The following CCHCR1 variants were observed in gnomAD, a reference collection of about 807,000 sequenced individuals.
The protein encoded by CCHCR1 is HCR (a-helix coiled-coil rod homologue).
Under a neutral mutation model 114.6 loss-of-function variants are expected in CCHCR1, and 91 were observed. The ratio of observed to expected loss-of-function variants is 0.79; its 90% CI spans 0.67 to 0.94. The LOEUF is 0.94. Ranked by LOEUF, CCHCR1 falls within the 40% of genes least tolerant of loss-of-function variation. The probability of loss-of-function intolerance (pLI) is 0.00; values close to 1 mark genes in which losing one functional copy is unlikely to be tolerated. For synonymous variants in CCHCR1, 379 were observed against 428.5 expected (o/e 0.88, Z 1.43); for missense variants, 899 against 1,079.9 (o/e 0.83, Z 2.35).
Position 31,145,798 on chromosome 6 carries a change from A to G in CCHCR1, c.1591T>C (p.Trp531Arg). 1 of 1,610,696 alleles carries G rather than the reference A, an allele frequency of 6.2e-7. No homozygotes were observed. Among genetic ancestry groups the G allele is most frequent in the Non-Finnish European group, 8.5e-7 (1 of 1,177,876 alleles). The part of the protein sequence containing the change: ...VVNAVSSSQI[W>R]LETTMAKVEG... ...ACCTTAGCCATGGTGGTCTCGAGCC[A>G]GATCTGAGAGCTGGAGAGGGCACAA... The change falls in exon 11 of 18, where the codon TGG becomes CGG. Residue 531 changes from tryptophan (W) to arginine (R), a missense_variant. Physicochemically the swap from Trp to Arg is moderately radical, Grantham distance 101. Transcript: ENST00000396268.
intron 8 of CCHCR1, chr6:31,149,151 CAAAAAAAAAA>C (rs3064836): frequency 3.6e-4 from 44 of 120,874 alleles, no homozygotes; most frequent in Non-Finnish European, 6.8e-4. Context: ...GACTCCTTCT[CAAAAAAAAAA>C]AAAAAAAAAA....
rs1774232816 is a variant in CCHCR1 at position 31,145,698 on chromosome 6, C to T, written c.1691G>A (p.Arg564Gln). The T allele has an allele frequency of 2.5e-6, 4 of 1,612,154 alleles. No homozygotes were observed. Among genetic ancestry groups the T allele is most frequent in the East Asian group, 2.2e-5 (1 of 44,846 alleles). Residue 564 changes from arginine to glutamine, a missense_variant and splice_region_variant, in exon 11 of 18, where the codon CGG becomes CAG. By Grantham distance (43) the Arg-to-Gln change is conservative (BLOSUM62 1). Coordinates refer to ENST00000396268, the MANE Select transcript of CCHCR1 (RefSeq NM_001105564.2). ...TGGCTCGCAGTTGTCCTACGCACCC[C>T]GAATGGTGTGGACCTTGCGGACAGC... ...SYAVRKVHTI[R>Q]GLIARKLALA...
chr6:31,145,051 C>T lies in CCHCR1; in HGVS notation c.1899G>A (p.Leu633=), dbSNP rs769385738. 1.9e-6 allele frequency: 3 copies of T among 1,601,900 alleles called. No homozygotes were observed. The highest frequency in any genetic ancestry group is 2.2e-5 in the South Asian group (2 of 90,634). ...GCTCCAGCTGCTGGGCCACCTTGCT[C>T]AGCTGCTGCCGCTCTGCCTCCCCTA... ...REQGEAERQQ[L]SKVAQQLEQE... The change falls in exon 14 of 18, where the codon CTG becomes CTA. Residue 633 remains leucine (L), a synonymous_variant. Transcript: ENST00000396268.
Position 31,151,309 on chromosome 6 carries a change from A to C in CCHCR1, c.802-187T>G, listed in dbSNP as rs933441402. On this transcript the variant is annotated intron_variant, in intron 4 of 17. Coordinates refer to ENST00000396268, the MANE Select transcript of CCHCR1 (RefSeq NM_001105564.2). This position sits in a 1 kb window ranked among gnomAD's most constrained non-coding sequence, Gnocchi z 4.1. ...ACAACCCATCAGGAGTTCTTGTCCGATCTCCCCCAAAACATATCTTCACCT... is the reference window on the plus strand; with the variant it reads ...ACAACCCATCAGGAGTTCTTGTCCGCTCTCCCCCAAAACATATCTTCACCT... Among the ~76,000 whole-genome samples the C allele has an allele frequency of 6.6e-6, 1 of 152,094 alleles. No homozygotes were observed. Among genetic ancestry groups the C allele is most frequent in the Non-Finnish European group, 1.5e-5 (1 of 68,004 alleles).
chr6:31,154,836 C>T lies in CCHCR1; in HGVS notation c.498-37G>A. Reference sequence around the variant, plus strand: ...GGTTAGTGCAGGTGAGACTTGTCTCCAGTGCTGGAAGGATAGTTGAGGGCA... The same window carrying T: ...GGTTAGTGCAGGTGAGACTTGTCTCTAGTGCTGGAAGGATAGTTGAGGGCA... On this transcript the variant is annotated intron_variant, in intron 3 of 17. Transcript: ENST00000396268. This position sits in a 1 kb window ranked among gnomAD's most constrained non-coding sequence, Gnocchi z 4.1. The T allele has an allele frequency of 6.4e-7, 1 of 1,553,624 alleles. No individual in the cohort carries two copies. Among genetic ancestry groups the T allele is most frequent in the African/African-American group, 1.4e-5 (1 of 73,982 alleles).
At position 31,150,266 on chromosome 6, in the gene CCHCR1, A is replaced by G; in HGVS notation, c.1213-51T>C. ...GTGTGGGCTCCTGGGGGAGGAGAGG[A>G]AGGAGGTGGCATCTTTGTTTCTCCT... On this transcript the variant is annotated intron_variant, in intron 7 of 17. Transcript: ENST00000396268. The surrounding 1 kb of genome is among the most constrained non-coding windows in gnomAD (Gnocchi z 5.3). 6.3e-7 allele frequency: 1 copy of G among 1,589,588 alleles called. No homozygotes were observed. The highest frequency in any genetic ancestry group is 8.6e-7 in the Non-Finnish European group (1 of 1,160,578).
rs539737656 is a variant in CCHCR1 at position 31,144,694 on chromosome 6, G to A, written c.2160C>T (p.Ala720=). Residue 720 remains alanine, a synonymous_variant, in exon 15 of 18, where the codon GCC becomes GCT. Coordinates refer to ENST00000396268, the MANE Select transcript of CCHCR1 (RefSeq NM_001105564.2). This position sits in a 1 kb window ranked among gnomAD's most constrained non-coding sequence, Gnocchi z 4.6. ...RRLNEARREH[A]KAVVSLRQIQ... ...CACCCTGGCAAGGCTCACCGGCCTTGGCATGCTCCCTCCGAGCCTCGTTCA... is the reference window on the plus strand; with the variant it reads ...CACCCTGGCAAGGCTCACCGGCCTTAGCATGCTCCCTCCGAGCCTCGTTCA... 3.2e-5 allele frequency: 52 copies of A among 1,607,744 alleles called. No individual in the cohort carries two copies. In the South Asian group the frequency reaches 5.4e-4, roughly 17 times the overall value.
rs1208038540 is a variant in CCHCR1 at position 31,157,634 on chromosome 6, C to T, written c.-34G>A. ...AGACCCTCCCCAAGACCTTGGGAAT[C>T]CAGGCCGCCTAGATCCCCAGGCAGA... On this transcript the variant is annotated 5_prime_UTR_variant, in exon 1 of 18. Transcript: ENST00000396268. 3 of 1,551,832 alleles carry T rather than the reference C, an allele frequency of 1.9e-6. No homozygotes were observed. The highest frequency in any genetic ancestry group is 2.6e-6 in the Non-Finnish European group (3 of 1,138,500).
At chr6:31,152,281 C>CAAAAA (rs9281230) in intron 4 of CCHCR1, among the ~76,000 whole-genome samples, 2 of 124,090 alleles carry the variant, frequency 1.6e-5, no homozygotes, top group African/African-American at 3.0e-5. Flanking sequence ...GACTCCATCT[C>CAAAAA]AAAAAAAAAA....
In CCHCR1 at chr6:31,151,515, G is replaced by A. The variant is rs62398819; in HGVS notation, c.802-393C>T. On this transcript the variant is annotated intron_variant, in intron 4 of 17. Transcript: ENST00000396268. This position sits in a 1 kb window ranked among gnomAD's most constrained non-coding sequence, Gnocchi z 4.1. ...TCTGCCTACCTCCTGAGCTCACCCT[G>A]GAGGCTCTCCCACTGCTCCCCGCTC... 0.012 allele frequency among the ~76,000 whole-genome samples: 1,763 copies of A among 152,274 alleles called. 10 individuals carry two copies. Among genetic ancestry groups the A allele is most frequent in the African/African-American group, 0.023 (945 of 41,560 alleles).
rs568808295 is a variant in CCHCR1, at chr6:31,146,266, A to C, written c.1581-458T>G. Among the ~76,000 whole-genome samples the C allele has an allele frequency of 1.2e-4, 18 of 152,224 alleles. No homozygotes were observed. The South Asian group carries it at 3.5e-3, about 30-fold the overall frequency. On this transcript the variant is annotated intron_variant, in intron 10 of 17. Transcript: ENST00000396268. ...AAGCTGAGGCACGAGAATCACTTGA[A>C]CCTAGGAGGTGGAGGTTCCAGTGAG... is the stretch of plus-strand genomic sequence containing the variant.
intron 11 of CCHCR1, 90 bp from the exon 12 acceptor site, chr6:31,145,583 T>C: frequency 6.8e-7 from 1 of 1,463,056 alleles, no homozygotes; most frequent in Non-Finnish European, 9.6e-7. Context: ...ATGCAAGGAC[T>C]GGTGAAAGGA....
chr6:31,157,883 A>G (rs1776324460), upstream of CCHCR1: 8 of 494,446 alleles, frequency 1.6e-5, no homozygotes, highest in Non-Finnish European at 2.8e-5. Context: ...AACCTAATCT[A>G]CCTTTTTCTG....
intron 3 of CCHCR1, 183 bp downstream of exon 3, chr6:31,156,548 T>C (rs1347410456): frequency 5.2e-6 from 3 of 572,154 alleles, no homozygotes; most frequent in Non-Finnish European, 9.1e-6. Context: ...TTATTCACTA[T>C]TGTTATCCTC....
rs1447476904 is a variant in CCHCR1, at chr6:31,143,005, C to T, written c.2449G>A (p.Ala817Thr). The change falls in exon 17 of 18, where the codon GCA becomes ACA. Residue 817 changes from alanine to threonine, a missense_variant. Physicochemically the swap from Ala to Thr is moderately conservative, Grantham distance 58. Transcript: ENST00000396268. This position sits in a 1 kb window ranked among gnomAD's most constrained non-coding sequence, Gnocchi z 5.3. ...GTGGGCACTGCTGCTGCTACAGGTG[C>T]AGATGCTGAACACTCTGGAGGCCTG... ...SPRPPECSAS[A>T]PVAAAVPTRE... is the part of the protein sequence containing the mutation. 1 of 1,612,996 alleles carries T rather than the reference C, an allele frequency of 6.2e-7. No homozygotes were observed. Among genetic ancestry groups the T allele is most frequent in the Non-Finnish European group, 8.5e-7 (1 of 1,180,020 alleles).
chr6:31,152,334 A>G (rs1029728708), intron 4 of CCHCR1, among the ~76,000 whole-genome samples: 2 of 150,848 alleles, frequency 1.3e-5, no homozygotes, highest in Non-Finnish European at 3.0e-5. Context: ...TGAAAAAACA[A>G]TTTTTTTTTG....
intron 3 of CCHCR1, among the ~76,000 whole-genome samples, chr6:31,155,966 G>A (rs17197059): frequency 5.3e-4 from 81 of 152,294 alleles, no homozygotes; most frequent in Non-Finnish European, 9.7e-4. Context: ...CTGTGGAGAC[G>A]GAGTCTCGCT....
rs542335716 is a variant in CCHCR1, at chr6:31,154,651, T to G, written c.646A>C (p.Met216Leu). 1 of 1,612,438 alleles carries G rather than the reference T, an allele frequency of 6.2e-7. No individual in the cohort carries two copies. ...QQKMRLEAQAMELEALARAEK... is the reference protein window; with the variant it reads ...QQKMRLEAQALELEALARAEK... ...GCCCGTGCCAGAGCCTCTAGCTCCA[T>G]GGCCTGGGCCTCTAGCCTCATCTTC... The change falls in exon 4 of 18, where the codon ATG (methionine) becomes CTG (leucine). Residue 216 changes from methionine (M) to leucine (L), a missense_variant. Met to Leu is a conservative substitution (Grantham distance 15). Coordinates refer to ENST00000396268, the MANE Select transcript of CCHCR1 (RefSeq NM_001105564.2). This position sits in a 1 kb window ranked among gnomAD's most constrained non-coding sequence, Gnocchi z 4.1.
chr6:31,145,138 C>T lies in CCHCR1; in HGVS notation c.1876+28G>A, dbSNP rs567133818. On this transcript the variant is annotated intron_variant, in intron 13 of 17. Transcript: ENST00000396268. The stretch of plus-strand genomic sequence containing the variant: ...CCTAGACACCGGGTTTTTCCTCATC[C>T]TCTCCACCCCCTGGCAACCAGGTGT... The T allele has an allele frequency of 5.4e-5, 87 of 1,609,452 alleles. 1 individual carries two copies. The South Asian group carries it at 9.1e-4, about 17-fold the overall frequency.
Sources: gnomAD v4.1 joint callset for allele counts (sites outside exome capture counted in the v4.1 genomes callset) on GRCh38, gnomAD v4.1.1 for gene constraint, Gnocchi (gnomAD v3.1) non-coding constraint, MANE v1.5 for transcripts, NCBI Gene and HGNC (gene_info 2026-07-23, HGNC 2026-07-21) for gene names.